The following ACACB variants were observed in gnomAD, a reference collection of about 807,000 sequenced individuals.
The protein encoded by ACACB is acetyl-CoA carboxylase beta.
A neutral mutation model predicts 278.8 loss-of-function variants in ACACB; 209 were observed. The observed-to-expected ratio is 0.75, with a 90% CI of 0.67 to 0.84. The LOEUF (loss-of-function observed/expected upper bound fraction) is 0.84, where lower values mean the gene tolerates loss of function less well. ACACB is among the 40% of genes least tolerant of loss of function. The probability of loss-of-function intolerance (pLI) is 0.00; values close to 1 mark genes in which losing one functional copy is unlikely to be tolerated. For synonymous variants in ACACB, 1,174 were observed against 1,285.6 expected, an observed-to-expected ratio of 0.91 and a Z score of 1.86; for missense variants, 2,850 against 3,269.0, an observed-to-expected ratio of 0.87 and a Z score of 3.13.
chr12:109,244,247 A>T (rs560173016), intron 37 of ACACB, among the ~76,000 whole-genome samples: 7 of 152,334 alleles, frequency 4.6e-5, no homozygotes, highest in African/African-American at 1.7e-4. Context: ...CCTATGCCTC[A>T]TGCATAGAGG....
intron 15 of ACACB, among the ~76,000 whole-genome samples, chr12:109,192,926 A>C (rs2044946375): frequency 6.6e-6 from 1 of 152,144 alleles, no homozygotes; most frequent in African/African-American, 2.4e-5. Context: ...TCAACTCTGA[A>C]AGTGCTGAGA....
rs779029093 is a variant in ACACB, at chr12:109,197,071, G to T, written c.2545G>T (p.Ala849Ser). Residue 849 changes from alanine (A) to serine (S), a missense_variant, in exon 17 of 53, where the codon GCC becomes TCC. This residue lies in a region of ACACB where 2,265 missense variants were observed against 2,561.3 expected (regional missense o/e 0.88). Transcript: ENST00000338432. ...GAATGGCTGCCACATCGAGATTGAT[G>T]CCCACCGGCTGAATGATGGGGGGCT... is the stretch of plus-strand genomic sequence containing the variant. ...IMNGCHIEID[A>S]HRLNDGGLLL... is the part of the protein sequence containing the mutation. 3.8e-6 allele frequency: 6 copies of T among 1,595,240 alleles called. No individual in the cohort carries two copies. The highest frequency in any genetic ancestry group is 5.1e-6 in the Non-Finnish European group (6 of 1,172,876).
chr12:109,206,029 G>A (rs1355596368), intron 19 of ACACB, among the ~76,000 whole-genome samples: 1 of 152,168 alleles, frequency 6.6e-6, no homozygotes, highest in Non-Finnish European at 1.5e-5. Context: ...ATTTGTATGA[G>A]ATGTTCATAA....
intron 15 of ACACB, 94 bp downstream of exon 15, chr12:109,192,044 C>T (rs2044911222): frequency 9.1e-6 from 12 of 1,317,320 alleles, no homozygotes; most frequent in Non-Finnish European, 1.3e-5. Flanking sequence ...GCCAGTTAGT[C>T]ACCAGGCAAT....
intron 45 of ACACB, 24 bp from the exon 46 acceptor site, chr12:109,258,244 G>A: frequency 6.3e-7 from 1 of 1,599,080 alleles, no homozygotes; most frequent in Non-Finnish European, 8.5e-7. Flanking sequence ...CCCAGGGCCT[G>A]GCTCACTGGT....
At chr12:109,148,786 T>C (rs1404239930) in intron 2 of ACACB, among the ~76,000 whole-genome samples, 3 of 152,148 alleles carry the variant, frequency 2.0e-5, no homozygotes, top group Non-Finnish European at 4.4e-5. Context: ...TAAATGTGCC[T>C]AATAAATGTG....
chr12:109,249,783 T>C (rs1474001539), intron 40 of ACACB: 1 of 494,326 alleles, frequency 2.0e-6, no homozygotes, highest in Admixed American at 4.1e-5. Flanking sequence ...AGGGTGATGA[T>C]TGTTGATGCT....
In ACACB at chr12:109,246,131, C is replaced by T. The variant is rs748284187; in HGVS notation, c.5302-48C>T. The stretch of plus-strand genomic sequence containing the variant: ...AACTAAAATAAAATAAAAAGTTTTC[C>T]CCCAAAGAAACAAACTCATTTTCCT... On this transcript the variant is annotated intron_variant, in intron 38 of 52. Transcript: ENST00000338432. The T allele has an allele frequency of 3.9e-6, 6 of 1,554,684 alleles. No individual in the cohort carries two copies. In the South Asian group the frequency reaches 7.4e-5, roughly 19 times the overall value.
At chr12:109,134,538 G>A (rs2042922944) in intron 1 of ACACB, among the ~76,000 whole-genome samples, 1 of 152,184 alleles carries the variant, frequency 6.6e-6, no homozygotes, top group Admixed American at 6.5e-5. Context: ...GGGCATGTGT[G>A]AGCCAGCTGT....
At chr12:109,141,468 T>C (rs1274126721) in intron 2 of ACACB, among the ~76,000 whole-genome samples, 1 of 152,144 alleles carries the variant, frequency 6.6e-6, no homozygotes, top group African/African-American at 2.4e-5. Context: ...TTGGGAAATA[T>C]AGGAGAACAG....
At chr12:109,140,295 C>T (rs111666085) in intron 2 of ACACB, among the ~76,000 whole-genome samples, 58 of 125,144 alleles carry the variant, frequency 4.6e-4, no homozygotes, top group African/African-American at 1.4e-3. Flanking sequence ...TCCTTCCTTC[C>T]TTCCTTCCTT....
chr12:109,192,332 A>G (rs1382560268), intron 15 of ACACB, among the ~76,000 whole-genome samples: 2 of 152,240 alleles, frequency 1.3e-5, no homozygotes, highest in Non-Finnish European at 2.9e-5. Flanking sequence ...TCAGAGGGTC[A>G]TCATGAAATG....
upstream of ACACB, among the ~76,000 whole-genome samples, chr12:109,115,876 G>A (rs943497688): frequency 8.5e-5 from 13 of 152,202 alleles, no homozygotes; most frequent in African/African-American, 2.9e-4. Context: ...GCAGGAAGTG[G>A]GTTCCACCTT....
rs917086257 is a variant in ACACB, at chr12:109,171,892, T to C, written c.1013T>C (p.Ile338Thr). The C allele has an allele frequency of 6.2e-7, 1 of 1,614,088 alleles. No individual in the cohort carries two copies. Among genetic ancestry groups the C allele is most frequent in the Non-Finnish European group, 8.5e-7 (1 of 1,179,980 alleles). The change falls in exon 5 of 53, where the codon ATT (isoleucine) becomes ACT (threonine). Residue 338 changes from isoleucine (I) to threonine (T), a missense_variant. Ile to Thr is a moderately conservative substitution (Grantham distance 89). This residue lies in a region of ACACB where 2,265 missense variants were observed against 2,561.3 expected (regional missense o/e 0.88). Transcript: ENST00000338432. ...NYANVELIVD[I>T]AKRIPVQAVW... ...GCCAACGTGGAGCTGATTGTGGACA[T>C]TGCCAAGAGAATCCCCGTGCAGGTA...
In ACACB at chr12:109,264,336, G is replaced by T; in HGVS notation, c.6892G>T (p.Ala2298Ser). 1 of 1,614,040 alleles carries T rather than the reference G, an allele frequency of 6.2e-7. No homozygotes were observed. The change falls in exon 50 of 53, where the codon GCC becomes TCC. Residue 2298 changes from alanine (A) to serine (S), a missense_variant. Physicochemically the swap from Ala to Ser is moderately conservative, Grantham distance 99 (BLOSUM62 1). Coordinates refer to ENST00000338432, the MANE Select transcript of ACACB (RefSeq NM_001093.4). The stretch of plus-strand genomic sequence containing the variant: ...CTACCACCAGGTGGCGGTGCAGTTC[G>T]CCGACTTCCATGACACACCCGGCCG... ...PIYHQVAVQFADFHDTPGRML... is the reference protein window; with the variant it reads ...PIYHQVAVQFSDFHDTPGRML...
intron 2 of ACACB, among the ~76,000 whole-genome samples, chr12:109,166,391 T>G (rs1276675587): frequency 2.0e-5 from 3 of 152,030 alleles, no homozygotes; most frequent in African/African-American, 7.2e-5. Flanking sequence ...TTAGCTGGCC[T>G]CTTAAGGTGC....
intron 15 of ACACB, 42 bp from the exon 16 acceptor site, chr12:109,193,606 A>G: frequency 6.7e-7 from 1 of 1,493,538 alleles, no homozygotes; most frequent in South Asian, 1.1e-5. Flanking sequence ...TGGAGTTCTC[A>G]GTCCCTCCCA....
chr12:109,234,510 T>A (rs904773016), intron 31 of ACACB, among the ~76,000 whole-genome samples: 1 of 152,118 alleles, frequency 6.6e-6, no homozygotes, highest in African/African-American at 2.4e-5. Context: ...TTATATATAT[T>A]TACAGTATAC....
intron 9 of ACACB, among the ~76,000 whole-genome samples, chr12:109,176,908 C>T (rs577675096): frequency 2.2e-4 from 34 of 152,330 alleles, no homozygotes; most frequent in East Asian, 7.7e-4. Flanking sequence ...TGATCCGCTG[C>T]GCCCTGCCTG....
Sources: gnomAD v4.1 joint callset for allele counts (sites outside exome capture counted in the v4.1 genomes callset) on GRCh38, gnomAD v4.1.1 for gene constraint, gnomAD v4.1.1 regional missense constraint, MANE v1.5 for transcripts, NCBI Gene and HGNC (gene_info 2026-07-23, HGNC 2026-07-21) for gene names.